NCOR2: variants seen among roughly 807,000 people sequenced by gnomAD.
NCOR2 encodes nuclear receptor corepressor 2.
A neutral mutation model predicts 262.9 loss-of-function variants in NCOR2; 81 were observed. The observed-to-expected ratio is 0.31, with a 90% confidence interval of 0.26 to 0.37. The LOEUF is 0.37. Among genes scored for constraint, NCOR2 ranks in the 10% least tolerant of loss-of-function variants. The pLI, the probability that NCOR2 is intolerant of heterozygous loss-of-function variation, is 1.00. For synonymous variants in NCOR2, 1,659 were observed against 1,559.3 expected (o/e 1.06, Z -1.51); for missense variants, 3,385 against 3,621.4 (o/e 0.93, Z 1.68).
chr12:124,427,261 C>T (rs971932760), intron 10 of NCOR2, among the ~76,000 whole-genome samples: 20 of 152,158 alleles, frequency 1.3e-4, no homozygotes, highest in African/African-American at 4.3e-4. Context: ...GTCAGCGCCT[C>T]GCTGGTGGAG....
At position 124,432,654 on chromosome 12, in the gene NCOR2, C is replaced by G. The variant is rs530546743; in HGVS notation, c.883-1867G>C. On this transcript the variant is annotated intron_variant, in intron 8 of 46. Transcript: ENST00000405201. The surrounding 1 kb of genome is among the most constrained non-coding windows in gnomAD (Gnocchi z 5.1). ...ACCACATTCCAAGCAGTTCCTCATT[C>G]CCCAGCCTCACCCCAAGGACCAGCT... Among the ~76,000 whole-genome samples, 2 of 152,310 alleles carry G rather than the reference C, an allele frequency of 1.3e-5. No homozygotes were observed. Among genetic ancestry groups the G allele is most frequent in the Non-Finnish European group, 2.9e-5 (2 of 68,028 alleles).
At chr12:124,509,987 G>A (rs768537958) in intron 1 of NCOR2, among the ~76,000 whole-genome samples, 7 of 152,156 alleles carry the variant, frequency 4.6e-5, no homozygotes, top group African/African-American at 9.7e-5. Flanking sequence ...GATAAACCTA[G>A]GCCAGGTTGA....
exon 25 of NCOR2, chr12:124,354,889 C>T (rs376713768): frequency 9.5e-5 from 153 of 1,612,036 alleles, no homozygotes; most frequent in Admixed American, 3.7e-4. Context: ...CAGGGCCCAC[C>T]GGGGCCTTGG....
chr12:124,384,875 C>T (rs967425307), intron 17 of NCOR2, among the ~76,000 whole-genome samples: 12 of 152,080 alleles, frequency 7.9e-5, no homozygotes, highest in African/African-American at 1.9e-4. Flanking sequence ...GCTTCTGTAT[C>T]GATGAGGAAA....
chr12:124,516,579 G>A (rs550953353), intron 1 of NCOR2, among the ~76,000 whole-genome samples: 2 of 152,148 alleles, frequency 1.3e-5, no homozygotes, highest in African/African-American at 4.8e-5. Flanking sequence ...AGCACTGTGC[G>A]GGCCCCTTCA....
In NCOR2 at chr12:124,378,110, G is replaced by A; in HGVS notation, c.2167+127C>T. 1.3e-6 allele frequency: 2 copies of A among 1,500,830 alleles called. No homozygotes were observed. Among genetic ancestry groups the A allele is most frequent in the Non-Finnish European group, 8.9e-7 (1 of 1,128,410 alleles). 93.0% of individuals were successfully genotyped at this position (1,500,830 alleles called of 1,614,324 possible). Reference sequence around the variant, plus strand: ...AGGCCCGCACCTTCCAGGGAGTCGAGGCCCCTTCTAAGGAGGACCCAGATG... The same window carrying A: ...AGGCCCGCACCTTCCAGGGAGTCGAAGCCCCTTCTAAGGAGGACCCAGATG... On this transcript the variant is annotated intron_variant, in intron 18 of 46. Transcript: ENST00000405201. The surrounding 1 kb of genome is among the most constrained non-coding windows in gnomAD (Gnocchi z 4.2).
chr12:124,341,629 G>A (rs982445606), intron 34 of NCOR2, among the ~76,000 whole-genome samples, 194 bp downstream of exon 36: 11 of 152,132 alleles, frequency 7.2e-5, no homozygotes, highest in Admixed American at 1.3e-4. Flanking sequence ...GGAGCCACAC[G>A]CTGTGCACTC....
chr12:124,335,615 A>G, exon 39 of NCOR2: 1 of 1,603,864 alleles, frequency 6.2e-7, no homozygotes, highest in Non-Finnish European at 8.5e-7. Context: ...TCGGGGCTGT[A>G]GCTGCTGCCG....
chr12:124,354,898 G>T, exon 25 of NCOR2: 1 of 1,612,206 alleles, frequency 6.2e-7, no homozygotes, highest in Non-Finnish European at 8.5e-7. Context: ...CCGGGGCCTT[G>T]GCATGCTCTG....
intron 5 of NCOR2, among the ~76,000 whole-genome samples, chr12:124,458,080 C>T (rs2045974652): frequency 6.6e-6 from 1 of 152,232 alleles, no homozygotes; most frequent in African/African-American, 2.4e-5. Flanking sequence ...CGCGGGCGAG[C>T]CCCTGCTGTG....
At chr12:124,470,936 C>T (rs564406658) in intron 4 of NCOR2, among the ~76,000 whole-genome samples, 55 of 152,244 alleles carry the variant, frequency 3.6e-4, no homozygotes, top group Admixed American at 1.1e-3. Flanking sequence ...GCCAGTGACC[C>T]GCAGCTTCAG....
intron 20 of NCOR2, 108 bp from the exon 23 acceptor site, chr12:124,363,907 G>C: frequency 1.0e-6 from 1 of 986,076 alleles, no homozygotes; most frequent in Non-Finnish European, 1.3e-6. Context: ...CTGGGGACGA[G>C]GCTAAGGCCC....
intron 13 of NCOR2, among the ~76,000 whole-genome samples, chr12:124,414,680 A>T (rs935088997): frequency 2.0e-5 from 3 of 152,218 alleles, no homozygotes; most frequent in African/African-American, 7.2e-5. Context: ...CCACTAGACG[A>T]CATCGGGGAA....
At chr12:124,386,813 C>A (rs544935717) in intron 16 of NCOR2, among the ~76,000 whole-genome samples, 1 of 152,260 alleles carries the variant, frequency 6.6e-6, no homozygotes, top group Non-Finnish European at 1.5e-5. Context: ...CGGCGAGCTG[C>A]GGCACACACA....
chr12:124,419,218 T>C (rs963763994), intron 13 of NCOR2, among the ~76,000 whole-genome samples: 18 of 152,094 alleles, frequency 1.2e-4, no homozygotes, highest in African/African-American at 4.3e-4. Context: ...TTCCTCTAAC[T>C]CGGAGGAAAA....
At chr12:124,348,531 G>A (rs1289791572) in intron 28 of NCOR2, 11 of 587,706 alleles carry the variant, frequency 1.9e-5, no homozygotes, top group Middle Eastern at 4.6e-4. Flanking sequence ...GGGGTTGCAC[G>A]GTGGGAGATG....
At chr12:124,490,744 A>G (rs926117050) in intron 1 of NCOR2, among the ~76,000 whole-genome samples, 1 of 152,228 alleles carries the variant, frequency 6.6e-6, no homozygotes, top group African/African-American at 2.4e-5. Flanking sequence ...TGGGAGCCTT[A>G]GCCCAGGGCA....
chr12:124,515,717 A>G (rs967847895), intron 1 of NCOR2, among the ~76,000 whole-genome samples: 7 of 151,246 alleles, frequency 4.6e-5, no homozygotes, highest in African/African-American at 1.7e-4. Context: ...GACTGTGTGT[A>G]TGGTGTGTAT....
chr12:124,336,531 C>CAA, intron 38 of NCOR2: 2 of 1,292,896 alleles, frequency 1.5e-6, no homozygotes, highest in East Asian at 6.2e-5. Flanking sequence ...GGCTTCAAAA[C>CAA]AAAATACCAA....
Sources: allele counts gnomAD v4.1 joint callset (sites outside exome capture counted in the v4.1 genomes callset), GRCh38; gene constraint gnomAD v4.1.1; non-coding constraint Gnocchi (gnomAD v3.1); transcripts MANE v1.5; gene names NCBI Gene and HGNC (gene_info 2026-07-23, HGNC 2026-07-21).